DLGAP1: variants seen among roughly 807,000 people sequenced by gnomAD.
DLGAP1 encodes the protein disks large-associated protein 1.
Under a neutral mutation model 90.8 loss-of-function variants are expected in DLGAP1, and 11 were observed. That is an observed-to-expected ratio of 0.12 (90% confidence interval 0.08 to 0.20). The LOEUF (loss-of-function observed/expected upper bound fraction) is 0.20. DLGAP1 is among the 10% of genes least tolerant of loss of function. The probability of loss-of-function intolerance (pLI) is 1.00; values close to 1 mark genes in which losing one functional copy is unlikely to be tolerated. For missense variants in DLGAP1, 1,050 were observed against 1,333.8 expected (o/e 0.79, Z 3.31); for synonymous variants, 558 against 540.7 (o/e 1.03, Z -0.44).
chr18:4,448,682 C>T (rs539844159), intron 1 of DLGAP1, among the ~76,000 whole-genome samples: 2 of 152,236 alleles, frequency 1.3e-5, no homozygotes, highest in African/African-American at 4.8e-5. Flanking sequence ...GCCCACCTCA[C>T]CACATCATTC....
intron 8 of DLGAP1, chr18:3,580,140 C>T: frequency 4.3e-6 from 5 of 1,150,224 alleles, no homozygotes; most frequent in Non-Finnish European, 6.6e-6. Context: ...ATAATAGCTG[C>T]TAATAATGTC....
intron 5 of DLGAP1, among the ~76,000 whole-genome samples, chr18:3,797,919 T>C (rs73372545): frequency 0.1 from 15,530 of 152,180 alleles, 1,158 homozygotes; most frequent in African/African-American, 0.2. Context: ...TCCCCCATAC[T>C]GTTCTTGTCA....
chr18:4,114,978 TTTTA>T (rs1277887251), intron 2 of DLGAP1, among the ~76,000 whole-genome samples: 6 of 152,174 alleles, frequency 3.9e-5, no homozygotes, highest in Non-Finnish European at 7.4e-5. Flanking sequence ...CTGTCATTGT[TTTTA>T]TTTGTTTTGT....
intron 1 of DLGAP1, among the ~76,000 whole-genome samples, chr18:4,448,242 T>C (rs570877605): frequency 6.6e-6 from 1 of 152,274 alleles, no homozygotes; most frequent in South Asian, 2.1e-4. Flanking sequence ...TGAGCACCAG[T>C]TTCATTCTGT....
chr18:3,521,595 G>A (rs2144155899), intron 10 of DLGAP1, among the ~76,000 whole-genome samples: 1 of 152,228 alleles, frequency 6.6e-6, no homozygotes. Context: ...GATTCAGCTT[G>A]GGTGCACCTT....
chr18:3,616,830 T>A (rs1252934519), intron 7 of DLGAP1, among the ~76,000 whole-genome samples: 1 of 149,634 alleles, frequency 6.7e-6, no homozygotes, highest in Non-Finnish European at 1.5e-5. Flanking sequence ...ATCCGAGAGG[T>A]TTGTGATTTG....
At position 4,304,940 on chromosome 18, in the gene DLGAP1, A is replaced by C. The variant is rs554333824; in HGVS notation, c.-267+150066T>G. Among the ~76,000 whole-genome samples, 186 of 152,088 alleles carry C rather than the reference A, an allele frequency of 1.2e-3. 1 individual carries two copies. The highest frequency in any genetic ancestry group is 4.1e-3 in the African/African-American group (171 of 41,548). On this transcript the variant is annotated intron_variant, in intron 1 of 12. Transcript: ENST00000315677. ...GAGCAAAACTGTGTCTCAAAAAAAA[A>C]AAAAAGTTGTCATTGTGAACTTTGC...
intron 6 of DLGAP1, among the ~76,000 whole-genome samples, chr18:3,737,893 A>G (rs1178142421): frequency 6.7e-6 from 1 of 150,364 alleles, no homozygotes; most frequent in Non-Finnish European, 1.5e-5. Flanking sequence ...TCAGCCCAAA[A>G]TCTCCTTAAG....
At chr18:3,872,225 CA>C (rs5822772) in intron 4 of DLGAP1, among the ~76,000 whole-genome samples, 29,476 of 87,060 alleles carry the variant, frequency 0.34, 2,024 homozygotes, top group South Asian at 0.38. Context: ...CTCTCCAAGA[CA>C]AAAAAAAAAA....
intron 1 of DLGAP1, among the ~76,000 whole-genome samples, chr18:4,292,617 G>A (rs1012750859): frequency 6.6e-6 from 1 of 152,018 alleles, no homozygotes; most frequent in South Asian, 2.1e-4. Flanking sequence ...TTATGTCTTT[G>A]AAATAAATAA....
At position 4,297,231 on chromosome 18, in the gene DLGAP1, GC is replaced by G. The variant is rs140423522; in HGVS notation, c.-266-145945del. 8.2e-3 allele frequency among the ~76,000 whole-genome samples: 1,243 copies of G among 152,262 alleles called. 25 individuals are homozygous for G. Among genetic ancestry groups the G allele is most frequent in the African/African-American group, 0.029 (1,189 of 41,544 alleles). Reference sequence around the variant, plus strand: ...GTAAGGATTAGCATCAAGGTAAGATGCCAAGAAGGGGCAGAGAAGGGAGTCC... The same window carrying G: ...GTAAGGATTAGCATCAAGGTAAGATGCAAGAAGGGGCAGAGAAGGGAGTCC... On this transcript the variant is annotated intron_variant, in intron 1 of 12. Coordinates refer to ENST00000315677, the MANE Select transcript of DLGAP1 (RefSeq NM_004746.4).
intron 3 of DLGAP1, among the ~76,000 whole-genome samples, chr18:3,927,753 G>A (rs2072424208): frequency 6.6e-6 from 1 of 152,162 alleles, no homozygotes; most frequent in African/African-American, 2.4e-5. Flanking sequence ...ATACCAACAT[G>A]TGAATTTATT....
At chr18:3,512,093 C>G (rs1353137785) in intron 10 of DLGAP1, among the ~76,000 whole-genome samples, 1 of 151,906 alleles carries the variant, frequency 6.6e-6, no homozygotes, top group Non-Finnish European at 1.5e-5. Flanking sequence ...ATTGTTCAAC[C>G]CAGATGTGGT....
chr18:4,442,215 G>T (rs1300492522), intron 1 of DLGAP1, among the ~76,000 whole-genome samples: 2 of 152,072 alleles, frequency 1.3e-5, no homozygotes, highest in African/African-American at 4.8e-5. Flanking sequence ...GGCCAGGCTG[G>T]TCTCAAACTC....
chr18:3,768,261 G>A lies in DLGAP1; in HGVS notation c.1173-25749C>T, dbSNP rs147750563. Among the ~76,000 whole-genome samples the A allele has an allele frequency of 5.2e-3, 788 of 152,196 alleles. 8 individuals carry two copies. The highest frequency in any genetic ancestry group is 0.014 in the African/African-American group (567 of 41,486). On this transcript the variant is annotated intron_variant, in intron 5 of 12. Transcript: ENST00000315677. ...CTAACAAAATATGTTCGGATCTGGTGAGCTGAAAAGTACATGGCACTGATG... is the reference window on the plus strand; with the variant it reads ...CTAACAAAATATGTTCGGATCTGGTAAGCTGAAAAGTACATGGCACTGATG...
chr18:4,015,928 T>C (rs2074515857), intron 2 of DLGAP1, among the ~76,000 whole-genome samples: 1 of 152,200 alleles, frequency 6.6e-6, no homozygotes, highest in Non-Finnish European at 1.5e-5. Context: ...AATCAAGATA[T>C]ATAAAGGTAA....
chr18:4,366,074 C>T (rs991211059), intron 1 of DLGAP1, among the ~76,000 whole-genome samples: 4 of 151,830 alleles, frequency 2.6e-5, no homozygotes, highest in Non-Finnish European at 5.9e-5. Flanking sequence ...TCAAAATGAC[C>T]GAGATATACT....
intron 5 of DLGAP1, among the ~76,000 whole-genome samples, chr18:3,750,949 G>A (rs112803370): frequency 1.6e-3 from 246 of 152,234 alleles, no homozygotes; most frequent in African/African-American, 5.5e-3. Context: ...CCAGACTAAA[G>A]TCCTCCATCT....
intron 4 of DLGAP1, among the ~76,000 whole-genome samples, chr18:3,853,955 C>G (rs537879501): frequency 6.6e-6 from 1 of 151,864 alleles, no homozygotes; most frequent in Non-Finnish European, 1.5e-5. Flanking sequence ...GGTGACTTTA[C>G]TCAGAGGTTT....
Sources: allele counts gnomAD v4.1 joint callset (sites outside exome capture counted in the v4.1 genomes callset), GRCh38; gene constraint gnomAD v4.1.1; transcripts MANE v1.5; gene names NCBI Gene and HGNC (gene_info 2026-07-23, HGNC 2026-07-21).